GSG1L: variants seen among roughly 807,000 people sequenced by gnomAD.
The protein encoded by GSG1L is germ cell-specific gene 1-like protein.
GSG1L carries 24 observed loss-of-function variants against 42.1 expected under a neutral mutation model. The observed-to-expected ratio is 0.57, with a 90% CI of 0.41 to 0.80. GSG1L has a LOEUF of 0.80. Among genes scored for constraint, GSG1L ranks in the 30% least tolerant of loss-of-function variants. The pLI is 0.00. For synonymous variants in GSG1L, 215 were observed against 203.5 expected (o/e 1.06, Z -0.48); for missense variants, 445 against 472.2 (o/e 0.94, Z 0.53).
intron 2 of GSG1L, among the ~76,000 whole-genome samples, chr16:27,930,546 G>C (rs1474691379): frequency 6.6e-6 from 1 of 152,176 alleles, no homozygotes; most frequent in African/African-American, 2.4e-5. Flanking sequence ...ACAGTGCCTG[G>C]CACATAGTAG....
chr16:27,803,053 C>T (rs952477038), intron 6 of GSG1L, among the ~76,000 whole-genome samples: 3 of 152,042 alleles, frequency 2.0e-5, no homozygotes, highest in Non-Finnish European at 1.5e-5. Flanking sequence ...GCAACATTGC[C>T]CTTCACAAAC....
At chr16:28,051,427 T>C (rs1442211171) in intron 1 of GSG1L, among the ~76,000 whole-genome samples, 1 of 151,610 alleles carries the variant, frequency 6.6e-6, no homozygotes, top group African/African-American at 2.4e-5. Flanking sequence ...GACAGTGATT[T>C]GCAAAAGCGT....
rs1049895056 is a variant in GSG1L at position 28,059,457 on chromosome 16, G to T, written c.349+3619C>A. Reference sequence around the variant, plus strand: ...GTCTCACCTCCCTCCTGCCAGCCTGGCAAGTCCCCCAAGACCCCTCCACCT... The same window carrying T: ...GTCTCACCTCCCTCCTGCCAGCCTGTCAAGTCCCCCAAGACCCCTCCACCT... On this transcript the variant is annotated intron_variant, in intron 1 of 6. Transcript: ENST00000447459. The surrounding 1 kb of genome is among the most constrained non-coding windows in gnomAD (Gnocchi z 4.4). Among the ~76,000 whole-genome samples the T allele has an allele frequency of 4.6e-5, 7 of 152,036 alleles. No individual in the cohort carries two copies. The highest frequency in any genetic ancestry group is 2.1e-4 in the South Asian group (1 of 4,806).
intron 1 of GSG1L, among the ~76,000 whole-genome samples, chr16:28,055,291 G>A (rs2086267261): frequency 6.6e-6 from 1 of 152,070 alleles, no homozygotes; most frequent in Non-Finnish European, 1.5e-5. Flanking sequence ...GAGTAGCTGG[G>A]ACTTACAGGC....
chr16:28,023,835 G>T (rs763153443), intron 1 of GSG1L, among the ~76,000 whole-genome samples: 52 of 151,562 alleles, frequency 3.4e-4, no homozygotes, highest in Admixed American at 6.6e-4. Flanking sequence ...GACCAGCTTG[G>T]GCAACATGGC....
At chr16:28,012,226 G>A (rs958356792) in intron 1 of GSG1L, among the ~76,000 whole-genome samples, 18 of 151,590 alleles carry the variant, frequency 1.2e-4, no homozygotes, top group African/African-American at 2.9e-4. Context: ...AGTCAGTCAC[G>A]CCCCCCTCTG....
chr16:28,039,688 C>T (rs1334189235), intron 1 of GSG1L, among the ~76,000 whole-genome samples: 3 of 151,534 alleles, frequency 2.0e-5, no homozygotes, highest in African/African-American at 7.3e-5. Flanking sequence ...CACACATGCA[C>T]GCGCACTACA....
chr16:27,946,579 A>AAGAAAG (rs1567529739), intron 2 of GSG1L, among the ~76,000 whole-genome samples: 22 of 37,024 alleles, frequency 5.9e-4, no homozygotes, highest in South Asian at 3.3e-3. Flanking sequence ...GAAAGAAAGA[A>AAGAAAG]AGAGAGAGAG....
At chr16:27,923,383 C>T (rs919780873) in intron 2 of GSG1L, among the ~76,000 whole-genome samples, 13 of 152,158 alleles carry the variant, frequency 8.5e-5, no homozygotes, top group African/African-American at 2.9e-4. Context: ...CCTGGGGCAC[C>T]CACATGCTAA....
At chr16:27,857,553 G>C (rs1166670484) in intron 3 of GSG1L, among the ~76,000 whole-genome samples, 1 of 152,178 alleles carries the variant, frequency 6.6e-6, no homozygotes, top group African/African-American at 2.4e-5. Context: ...ACCAGCCTGG[G>C]CAACATAGGG....
chr16:27,902,572 G>C lies in GSG1L; in HGVS notation c.398-17934C>G, dbSNP rs114922571. On this transcript the variant is annotated intron_variant, in intron 2 of 6. Transcript: ENST00000447459. ...TCAGAGCAAGGGGAGGGAGAGGGGG[G>C]GCCGCTGGTGCAGGAGGCTTTGGTC... Among the ~76,000 whole-genome samples the C allele has an allele frequency of 3.9e-5, 6 of 152,126 alleles. No homozygotes were observed. In the South Asian group the frequency reaches 8.3e-4, roughly 21 times the overall value.
chr16:27,803,777 A>ATATATC (rs2082912419), intron 6 of GSG1L, among the ~76,000 whole-genome samples: 1 of 71,484 alleles, frequency 1.4e-5, no homozygotes, highest in Non-Finnish European at 2.6e-5. Context: ...ATATATATAT[A>ATATATC]TATATATATA....
chr16:27,948,025 C>T (rs2084904833), intron 2 of GSG1L, among the ~76,000 whole-genome samples: 1 of 152,164 alleles, frequency 6.6e-6, no homozygotes. Flanking sequence ...ATAAAGATTC[C>T]TCCCCAGCCC....
intron 1 of GSG1L, among the ~76,000 whole-genome samples, chr16:27,984,076 A>G (rs1464097259): frequency 1.3e-5 from 2 of 152,142 alleles, no homozygotes; most frequent in Non-Finnish European, 2.9e-5. Flanking sequence ...CCAGCTACGC[A>G]TGGTTTTTAT....
chr16:27,974,309 T>C (rs1267339606), intron 1 of GSG1L, among the ~76,000 whole-genome samples: 3 of 152,180 alleles, frequency 2.0e-5, no homozygotes, highest in African/African-American at 7.2e-5. Context: ...CATAGGTTAT[T>C]AGCTCAGCCA....
intron 1 of GSG1L, among the ~76,000 whole-genome samples, chr16:28,028,196 G>A (rs2085921342): frequency 6.6e-6 from 1 of 152,120 alleles, no homozygotes; most frequent in Non-Finnish European, 1.5e-5. Context: ...ACTTCAAGAT[G>A]CCTCAATTTC....
intron 1 of GSG1L, among the ~76,000 whole-genome samples, chr16:28,022,368 C>T (rs1421887713): frequency 1.3e-5 from 2 of 152,184 alleles, no homozygotes; most frequent in Non-Finnish European, 2.9e-5. Flanking sequence ...CTCTGTCACC[C>T]AGGCTGGAGT....
At chr16:27,924,118 GA>G (rs2084563261) in intron 2 of GSG1L, among the ~76,000 whole-genome samples, 1 of 151,456 alleles carries the variant, frequency 6.6e-6, no homozygotes, top group Admixed American at 6.6e-5. Flanking sequence ...ATCAGTAAGA[GA>G]AAAATTATAC....
At chr16:27,934,792 G>A (rs1454434883) in intron 2 of GSG1L, among the ~76,000 whole-genome samples, 1 of 152,094 alleles carries the variant, frequency 6.6e-6, no homozygotes, top group African/African-American at 2.4e-5. Flanking sequence ...GGACCAAAGT[G>A]GCACCTATTT....
Sources: allele counts gnomAD v4.1 joint callset (sites outside exome capture counted in the v4.1 genomes callset), GRCh38; gene constraint gnomAD v4.1.1; non-coding constraint Gnocchi (gnomAD v3.1); transcripts MANE v1.5; gene names NCBI Gene and HGNC (gene_info 2026-07-23, HGNC 2026-07-21).